Variants in PHKB observed in about 807,000 individuals in gnomAD.
The protein encoded by PHKB is phosphorylase b kinase regulatory subunit beta.
PHKB carries 122 observed loss-of-function variants against 152.1 expected under a neutral mutation model. That is an observed-to-expected ratio of 0.80 (90% confidence interval 0.69 to 0.93). PHKB has a LOEUF of 0.93. Ranked by LOEUF, PHKB falls within the 40% of genes least tolerant of loss-of-function variation. The pLI is 0.00. For synonymous variants in PHKB, 436 were observed against 464.9 expected, an observed-to-expected ratio of 0.94 and a Z score of 0.80; for missense variants, 1,304 against 1,328.4, an observed-to-expected ratio of 0.98 and a Z score of 0.29.
At chr16:47,537,260 G>A (rs914433917) in intron 6 of PHKB, among the ~76,000 whole-genome samples, 2 of 152,320 alleles carry the variant, frequency 1.3e-5, no homozygotes, top group African/African-American at 4.8e-5. Context: ...AATCAGTGGC[G>A]TTTCTTCCAA....
At chr16:47,660,427 C>A in intron 20 of PHKB, 79 bp from the exon 21 acceptor site, 1 of 1,095,688 alleles carries the variant, frequency 9.1e-7, no homozygotes, top group Non-Finnish European at 1.4e-6. Flanking sequence ...TACTTAATTA[C>A]AGAAAGGTAT....
At chr16:47,582,955 C>T (rs1006520994) in intron 8 of PHKB, among the ~76,000 whole-genome samples, 1 of 152,146 alleles carries the variant, frequency 6.6e-6, no homozygotes, top group Non-Finnish European at 1.5e-5. Flanking sequence ...TGCCACCACA[C>T]CCGACTAATT....
At chr16:47,506,440 A>G (rs532506415) in intron 4 of PHKB, among the ~76,000 whole-genome samples, 1 of 152,232 alleles carries the variant, frequency 6.6e-6, no homozygotes, top group Non-Finnish European at 1.5e-5. Context: ...GCTTGAAATA[A>G]AGTAGTATGT....
chr16:47,473,042 GTTTT>G (rs970277549), intron 1 of PHKB, among the ~76,000 whole-genome samples: 35 of 145,292 alleles, frequency 2.4e-4, no homozygotes, highest in African/African-American at 6.7e-4. Flanking sequence ...TAGGATCTGT[GTTTT>G]TTTTTTTGTT....
intron 1 of PHKB, among the ~76,000 whole-genome samples, chr16:47,493,119 A>G (rs1404390142): frequency 1.3e-5 from 2 of 151,904 alleles, no homozygotes; most frequent in Non-Finnish European, 2.9e-5. Context: ...CTGAGGCTCC[A>G]CCCCGTTGCA....
intron 10 of PHKB, among the ~76,000 whole-genome samples, chr16:47,591,183 C>T (rs909343120): frequency 1.3e-5 from 2 of 152,058 alleles, no homozygotes; most frequent in Admixed American, 6.6e-5. Flanking sequence ...TAGCTTTTTT[C>T]GTCATTAAGC....
At chr16:47,602,431 ATATTT>A (rs1292327956) in intron 13 of PHKB, among the ~76,000 whole-genome samples, 4 of 152,046 alleles carry the variant, frequency 2.6e-5, no homozygotes, top group Non-Finnish European at 5.9e-5. Flanking sequence ...TGTAGAAATT[ATATTT>A]TAAATGATTA....
chr16:47,544,845 T>C (rs1437667339), intron 6 of PHKB, among the ~76,000 whole-genome samples: 1 of 152,240 alleles, frequency 6.6e-6, no homozygotes, highest in African/African-American at 2.4e-5. Flanking sequence ...TACCATTATG[T>C]AATGGCCTTC....
In PHKB at chr16:47,565,708, C is replaced by T. The variant is rs1971553809; in HGVS notation, c.711-14587C>T. The T allele has an allele frequency of 3.4e-6, 5 of 1,468,614 alleles. No homozygotes were observed. The East Asian group carries it at 1.1e-4, about 33-fold the overall frequency. 91.0% of individuals were successfully genotyped at this position (1,468,614 alleles called of 1,614,324 possible). A position where few individuals can be genotyped will look rare whatever the true frequency, so the allele number is the denominator to read the frequency against. ...TCACTTTGCCAGTTTGGGTGTCTCTCCCGAGGCCATCGTTCTAGTTTTGGC... is the reference window on the plus strand; with the variant it reads ...TCACTTTGCCAGTTTGGGTGTCTCTTCCGAGGCCATCGTTCTAGTTTTGGC... On this transcript the variant is annotated intron_variant, in intron 7 of 30. Coordinates refer to ENST00000323584, the MANE Select transcript of PHKB (RefSeq NM_000293.3).
intron 10 of PHKB, among the ~76,000 whole-genome samples, chr16:47,593,045 G>T (rs1419408287): frequency 1.4e-5 from 2 of 147,192 alleles, no homozygotes; most frequent in African/African-American, 5.0e-5. Flanking sequence ...GAGGCCAGGG[G>T]TTTGAGCAGC....
intron 14 of PHKB, among the ~76,000 whole-genome samples, chr16:47,638,337 T>C (rs1220456052): frequency 6.6e-6 from 1 of 152,146 alleles, no homozygotes; most frequent in Non-Finnish European, 1.5e-5. Flanking sequence ...TGTCCAAGGA[T>C]TGGTGTGAAG....
At chr16:47,642,598 T>C (rs1161429946) in intron 16 of PHKB, among the ~76,000 whole-genome samples, 6 of 152,166 alleles carry the variant, frequency 3.9e-5, no homozygotes, top group Non-Finnish European at 7.3e-5. Context: ...ATATAAATGG[T>C]TGTAGTCAAA....
chr16:47,595,080 A>G (rs576151493), intron 12 of PHKB, among the ~76,000 whole-genome samples: 288 of 152,364 alleles, frequency 1.9e-3, no homozygotes, highest in Middle Eastern at 0.017. Flanking sequence ...TCTTTATGCT[A>G]CAAATAATCA....
intron 13 of PHKB, chr16:47,598,151 G>T (rs1175289783): frequency 6.6e-6 from 1 of 152,532 alleles, no homozygotes; most frequent in Non-Finnish European, 1.5e-5. Flanking sequence ...TAAGATCACA[G>T]CTGAGGTTAA....
At position 47,617,121 on chromosome 16, in the gene PHKB, G is replaced by A. The variant is rs577426815; in HGVS notation, c.1458+6201G>A. 1.7e-4 allele frequency among the ~76,000 whole-genome samples: 26 copies of A among 151,102 alleles called. 1 individual carries two copies. The East Asian group carries it at 4.8e-3, about 28-fold the overall frequency. On this transcript the variant is annotated intron_variant, in intron 14 of 30. Coordinates refer to ENST00000323584, the MANE Select transcript of PHKB (RefSeq NM_000293.3). ...GATTTTGTTTATGTCCAGTTTTGGG[G>A]CCAGTTTATGGCCAGATTTGGGGGC...
chr16:47,543,008 T>C (rs1247833229), intron 6 of PHKB, among the ~76,000 whole-genome samples: 5 of 152,138 alleles, frequency 3.3e-5, no homozygotes, highest in Non-Finnish European at 4.4e-5. Context: ...CTCTTGCCTA[T>C]TTGCCCTGGC....
chr16:47,691,996 G>A (rs1031283745), intron 27 of PHKB, among the ~76,000 whole-genome samples: 1 of 152,186 alleles, frequency 6.6e-6, no homozygotes, highest in African/African-American at 2.4e-5. Context: ...AATGCAGGCA[G>A]TGGGGTATCC....
intron 14 of PHKB, among the ~76,000 whole-genome samples, chr16:47,634,595 G>T (rs979282856): frequency 2.6e-5 from 4 of 152,212 alleles, no homozygotes; most frequent in Admixed American, 2.0e-4. Flanking sequence ...TTTGGCCATG[G>T]TGGAGAGAGG....
intron 6 of PHKB, among the ~76,000 whole-genome samples, chr16:47,535,768 A>G (rs1316472936): frequency 2.6e-5 from 4 of 152,212 alleles, no homozygotes; most frequent in African/African-American, 9.6e-5. Flanking sequence ...TTTTGAAAGT[A>G]TTTCAGATAT....
Sources: gnomAD v4.1 joint callset for allele counts (sites outside exome capture counted in the v4.1 genomes callset) on GRCh38, gnomAD v4.1.1 for gene constraint, MANE v1.5 for transcripts, NCBI Gene and HGNC (gene_info 2026-07-23, HGNC 2026-07-21) for gene names.